Variants in AGBL4 observed in about 807,000 individuals in gnomAD.
AGBL4 encodes the protein AGBL carboxypeptidase 4.
In AGBL4, 58 loss-of-function variants were observed where a neutral mutation model predicts 66.4. The ratio of observed to expected loss-of-function variants is 0.87; its 90% confidence interval spans 0.71 to 1.09. The LOEUF (loss-of-function observed/expected upper bound fraction) is 1.09. AGBL4 is among the 50% of genes least tolerant of loss of function. The probability of loss-of-function intolerance (pLI) is 0.00; values close to 1 mark genes in which losing one functional copy is unlikely to be tolerated. For missense variants in AGBL4, 579 were observed against 631.0 expected (o/e 0.92, Z 0.88); for synonymous variants, 234 against 222.9 (o/e 1.05, Z -0.44).
At chr1:48,862,626 G>A (rs559293336) in intron 6 of AGBL4, among the ~76,000 whole-genome samples, 1 of 152,268 alleles carries the variant, frequency 6.6e-6, no homozygotes, top group South Asian at 2.1e-4. Context: ...CAGACTAAAA[G>A]TCACTTTCTT....
intron 3 of AGBL4, among the ~76,000 whole-genome samples, chr1:49,614,024 C>CA (rs1380831084): frequency 6.6e-6 from 1 of 152,124 alleles, no homozygotes; most frequent in African/African-American, 2.4e-5. Flanking sequence ...GTTTAGAACA[C>CA]ACTTGTTTGC....
At chr1:48,537,658 G>A (rs557805587) in intron 12 of AGBL4, among the ~76,000 whole-genome samples, 1 of 152,248 alleles carries the variant, frequency 6.6e-6, no homozygotes, top group African/African-American at 2.4e-5. Context: ...CTGAGTGTCA[G>A]CACCATTTCA....
At chr1:48,550,259 T>C (rs1644229172) in intron 11 of AGBL4, among the ~76,000 whole-genome samples, 1 of 151,608 alleles carries the variant, frequency 6.6e-6, no homozygotes, top group African/African-American at 2.4e-5. Context: ...AGGCCAGAAG[T>C]CAGAAATCAG....
chr1:49,830,398 G>A (rs1645635481), intron 2 of AGBL4, among the ~76,000 whole-genome samples: 1 of 152,060 alleles, frequency 6.6e-6, no homozygotes, highest in South Asian at 2.1e-4. Flanking sequence ...ATATTAGTTG[G>A]CTACACAAAT....
intron 2 of AGBL4, among the ~76,000 whole-genome samples, chr1:49,735,780 C>A (rs1649835313): frequency 1.3e-5 from 2 of 151,902 alleles, no homozygotes; most frequent in African/African-American, 4.8e-5. Context: ...CTGGATTTCA[C>A]CAAAGCTTAA....
At chr1:49,303,917 T>C (rs1644802000) in intron 3 of AGBL4, among the ~76,000 whole-genome samples, 1 of 152,170 alleles carries the variant, frequency 6.6e-6, no homozygotes. Context: ...AAATTTTCTC[T>C]GATTCTGTAG....
intron 2 of AGBL4, among the ~76,000 whole-genome samples, chr1:49,759,330 T>C (rs184243288): frequency 2.9e-4 from 44 of 152,212 alleles, no homozygotes; most frequent in Middle Eastern, 3.4e-3. Flanking sequence ...ATCTGAAAAG[T>C]CCAAAGTAAG....
intron 4 of AGBL4, among the ~76,000 whole-genome samples, chr1:49,080,623 TAG>T (rs149187501): frequency 3.9e-5 from 6 of 152,096 alleles, no homozygotes; most frequent in Non-Finnish European, 5.9e-5. Context: ...TGAAAAAAGT[TAG>T]AGAGAGGAAT....
chr1:49,917,729 C>A (rs1404902278), intron 1 of AGBL4, among the ~76,000 whole-genome samples: 1 of 152,168 alleles, frequency 6.6e-6, no homozygotes, highest in Non-Finnish European at 1.5e-5. Flanking sequence ...CTGCACCAAG[C>A]AGACCTAATA....
chr1:48,865,466 C>T (rs11205561), intron 6 of AGBL4, among the ~76,000 whole-genome samples: 129,988 of 151,688 alleles, frequency 0.86, 57,068 homozygotes, highest in Non-Finnish European at 0.96. Flanking sequence ...CCACAACACA[C>T]CTTTTGGGAT....
chr1:49,665,161 TAC>T (rs779670057), intron 3 of AGBL4, among the ~76,000 whole-genome samples: 14 of 152,162 alleles, frequency 9.2e-5, no homozygotes, highest in Non-Finnish European at 1.6e-4. Flanking sequence ...ATTAACCACT[TAC>T]AACCCCAATC....
chr1:49,878,543 G>A (rs1557540517), intron 1 of AGBL4, among the ~76,000 whole-genome samples: 1 of 152,042 alleles, frequency 6.6e-6, no homozygotes, highest in African/African-American at 2.4e-5. Flanking sequence ...TATAATTTCT[G>A]TTCTTTTACA....
chr1:48,766,314 C>G (rs897535867), intron 6 of AGBL4, among the ~76,000 whole-genome samples: 1 of 152,216 alleles, frequency 6.6e-6, no homozygotes. Flanking sequence ...TGCTATAGAT[C>G]TATGTGCCTC....
intron 5 of AGBL4, among the ~76,000 whole-genome samples, chr1:48,963,701 C>T (rs1418071548): frequency 2.0e-5 from 3 of 152,054 alleles, no homozygotes; most frequent in Non-Finnish European, 4.4e-5. Context: ...TCATCCTGTG[C>T]CTCTGTGGCT....
chr1:49,239,131 A>T (rs2148315767), intron 4 of AGBL4, among the ~76,000 whole-genome samples: 1 of 152,256 alleles, frequency 6.6e-6, no homozygotes, highest in Non-Finnish European at 1.5e-5. Context: ...CATTACATTA[A>T]TGTCAATACT....
intron 1 of AGBL4, among the ~76,000 whole-genome samples, chr1:50,009,804 C>T (rs75909973): frequency 0.024 from 3,602 of 151,956 alleles, 142 homozygotes; most frequent in African/African-American, 0.083. Flanking sequence ...AACAAAGTTG[C>T]AGGGTACAAA....
At chr1:49,095,492 T>C (rs1341486560) in intron 4 of AGBL4, among the ~76,000 whole-genome samples, 2 of 152,002 alleles carry the variant, frequency 1.3e-5, no homozygotes, top group African/African-American at 4.8e-5. Flanking sequence ...CAGAGATAGA[T>C]ATAGACCAAT....
intron 2 of AGBL4, among the ~76,000 whole-genome samples, chr1:49,764,212 CCCA>C (rs1311679048): frequency 6.6e-6 from 1 of 152,110 alleles, no homozygotes; most frequent in Non-Finnish European, 1.5e-5. Context: ...CCTTTACATG[CCCA>C]CAACAGCAAA....
chr1:48,841,564 C>T (rs974418167), intron 6 of AGBL4, among the ~76,000 whole-genome samples: 7 of 151,864 alleles, frequency 4.6e-5, no homozygotes, highest in Admixed American at 1.3e-4. Flanking sequence ...CGCCCTCCAA[C>T]CCCCCACCTT....
Sources: gnomAD v4.1 joint callset for allele counts (sites outside exome capture counted in the v4.1 genomes callset) on GRCh38, gnomAD v4.1.1 for gene constraint, MANE v1.5 for transcripts, NCBI Gene and HGNC (gene_info 2026-07-23, HGNC 2026-07-21) for gene names.